Variants in DIP2B observed in about 807,000 individuals in gnomAD.
DIP2B encodes the protein disco-interacting protein 2 homolog B.
DIP2B carries 76 observed loss-of-function variants against 198.0 expected under a neutral mutation model. That is an observed-to-expected ratio of 0.38 (90% CI 0.32 to 0.46). The LOEUF (loss-of-function observed/expected upper bound fraction) is 0.46, where lower values mean the gene tolerates loss of function less well. Among genes scored for constraint, DIP2B ranks in the 20% least tolerant of loss-of-function variants. The pLI is 0.99. For missense variants in DIP2B, 1,559 were observed against 1,978.4 expected, an observed-to-expected ratio of 0.79 and a Z score of 4.02; for synonymous variants, 701 against 739.1, an observed-to-expected ratio of 0.95 and a Z score of 0.84.
At chr12:50,727,955 A>G in intron 29 of DIP2B, 143 bp downstream of exon 29, 1 of 644,354 alleles carries the variant, frequency 1.6e-6, no homozygotes, top group South Asian at 1.9e-5. Flanking sequence ...CTATTTAAAT[A>G]AAGGCATTGG....
Position 50,699,074 on chromosome 12 carries a change from T to A in DIP2B, c.2197T>A (p.Cys733Ser). ...VGHVMPGGMM[C>S]IVKPDGPPQL... ...TATTTTCTGTACGTTAGGGATGATG[T>A]GCATTGTGAAACCAGATGGACCTCC... The change falls in exon 19 of 38, where the codon TGC (cysteine) becomes AGC (serine). Residue 733 changes from cysteine (C) to serine (S), a missense_variant. By Grantham distance (112) the Cys-to-Ser change is moderately radical (BLOSUM62 -1). Coordinates refer to ENST00000301180, the MANE Select transcript of DIP2B (RefSeq NM_173602.3). The A allele has an allele frequency of 6.2e-7, 1 of 1,614,148 alleles. No individual in the cohort carries two copies. Among genetic ancestry groups the A allele is most frequent in the Non-Finnish European group, 8.5e-7 (1 of 1,180,010 alleles).
intron 1 of DIP2B, among the ~76,000 whole-genome samples, chr12:50,612,971 T>C (rs943453658): frequency 2.0e-4 from 30 of 152,148 alleles, no homozygotes; most frequent in Non-Finnish European, 2.5e-4. Context: ...CTAAAAACAT[T>C]CTGTTCTCCC....
At chr12:50,711,173 C>T (rs569172312) in intron 22 of DIP2B, among the ~76,000 whole-genome samples, 1 of 152,350 alleles carries the variant, frequency 6.6e-6, no homozygotes, top group South Asian at 2.1e-4. Flanking sequence ...CATGAGATAA[C>T]AGGCCATTCT....
chr12:50,681,668 A>G (rs1336422364), intron 9 of DIP2B, among the ~76,000 whole-genome samples: 1 of 152,244 alleles, frequency 6.6e-6, no homozygotes, highest in Non-Finnish European at 1.5e-5. Flanking sequence ...TGGAATTCAT[A>G]GAATGAAACA....
chr12:50,667,108 G>A (rs548696135), intron 4 of DIP2B, among the ~76,000 whole-genome samples: 3 of 152,230 alleles, frequency 2.0e-5, no homozygotes, highest in African/African-American at 7.2e-5. Context: ...AGCTCAAGCA[G>A]TTCATCCGCC....
chr12:50,523,895 T>C (rs1379084245), intron 1 of DIP2B, among the ~76,000 whole-genome samples: 1 of 152,170 alleles, frequency 6.6e-6, no homozygotes, highest in Non-Finnish European at 1.5e-5. Flanking sequence ...GATATTCTGT[T>C]TATCCTGTCA....
intron 1 of DIP2B, among the ~76,000 whole-genome samples, chr12:50,602,116 T>C (rs1958942083): frequency 6.6e-6 from 1 of 152,240 alleles, no homozygotes; most frequent in Non-Finnish European, 1.5e-5. Context: ...TGTATATTAA[T>C]GTACTGAAGT....
At chr12:50,726,637 C>T (rs1939940246) in intron 28 of DIP2B, among the ~76,000 whole-genome samples, 1 of 151,316 alleles carries the variant, frequency 6.6e-6, no homozygotes, top group Admixed American at 6.6e-5. Context: ...AAGTGTGAGC[C>T]ACCGCACCTG....
intron 1 of DIP2B, among the ~76,000 whole-genome samples, chr12:50,589,228 GTTTGTC>G (rs1035991914): frequency 1.3e-5 from 2 of 148,218 alleles, no homozygotes; most frequent in Non-Finnish European, 3.0e-5. Flanking sequence ...AATAAAATTT[GTTTGTC>G]TTTGTTTTTT....
chr12:50,695,210 T>A lies in DIP2B; in HGVS notation c.1720-57T>A, dbSNP rs1017902084. On this transcript the variant is annotated intron_variant, in intron 14 of 37. Coordinates refer to ENST00000301180, the MANE Select transcript of DIP2B (RefSeq NM_173602.3). ...TGCTAACAAAATACCAGCTCAATTT[T>A]AAAATACTAAGTATGTATTTTGTAT... 8 of 1,419,420 alleles carry A rather than the reference T, an allele frequency of 5.6e-6. No homozygotes were observed. In the Admixed American group the frequency reaches 7.2e-5, roughly 13 times the overall value. The allele number at this position is 1,419,420 out of a possible 1,614,324, so 87.9% of individuals were successfully genotyped here.
At chr12:50,671,501 A>C (rs1275756412) in intron 5 of DIP2B, 103 bp downstream of exon 5, 27 of 1,135,070 alleles carry the variant, frequency 2.4e-5, no homozygotes, top group Middle Eastern at 4.7e-4. Flanking sequence ...GTATGGCCTA[A>C]AAAAAAGAAT....
intron 16 of DIP2B, 98 bp from the exon 17 acceptor site, chr12:50,696,963 A>C: frequency 1.2e-6 from 1 of 863,136 alleles, no homozygotes; most frequent in Non-Finnish European, 1.8e-6. Context: ...ATGAGTTCTC[A>C]TGAGAAATAA....
intron 3 of DIP2B, among the ~76,000 whole-genome samples, chr12:50,656,664 C>T (rs1230599915): frequency 6.6e-6 from 1 of 152,156 alleles, no homozygotes; most frequent in Non-Finnish European, 1.5e-5. Flanking sequence ...CTCCGCTTCC[C>T]AGGTTCAAGC....
chr12:50,505,018 G>GCGGCGGCGGCGGCGGCGGCGGCGT lies in DIP2B; in HGVS notation c.-117_-116insCGGCGGCGGCGGCGGCGTCGGCGG. On this transcript the variant is annotated 5_prime_UTR_variant, in exon 1 of 38. Transcript: ENST00000301180. ...TTTGCTCATGGCGGCGGCGGCGGCG[G>GCGGCGGCGGCGGCGGCGGCGGCGT]CGGCGGTGCTGGTGGTGCTCGGCGG... The GCGGCGGCGGCGGCGGCGGCGGCGT allele has an allele frequency of 1.0e-6, 1 of 1,003,078 alleles. No individual in the cohort carries two copies. Among genetic ancestry groups the GCGGCGGCGGCGGCGGCGGCGGCGT allele is most frequent in the Non-Finnish European group, 1.5e-6 (1 of 689,642 alleles). The allele number at this position is 1,003,078 out of a possible 1,614,324, so 62.1% of individuals were successfully genotyped here.
intron 1 of DIP2B, among the ~76,000 whole-genome samples, chr12:50,583,942 T>C (rs1286262531): frequency 6.6e-6 from 1 of 152,228 alleles, no homozygotes; most frequent in Non-Finnish European, 1.5e-5. Flanking sequence ...ACCATCCTTG[T>C]TGGAAGCACC....
intron 3 of DIP2B, among the ~76,000 whole-genome samples, chr12:50,649,862 A>C (rs986756806): frequency 3.3e-5 from 5 of 152,162 alleles, no homozygotes; most frequent in Non-Finnish European, 7.4e-5. Context: ...TCTCAAAAAA[A>C]AAAGTATAAA....
Position 50,510,525 on chromosome 12 carries a change from A to G in DIP2B, c.100+5285A>G, listed in dbSNP as rs561599145. Among the ~76,000 whole-genome samples the G allele has an allele frequency of 3.3e-5, 5 of 152,182 alleles. No individual in the cohort carries two copies. The East Asian group carries it at 5.8e-4, about 18-fold the overall frequency. On this transcript the variant is annotated intron_variant, in intron 1 of 37. Coordinates refer to ENST00000301180, the MANE Select transcript of DIP2B (RefSeq NM_173602.3). ...GGCCTTCATACTATATTTGTATTCT[A>G]ATTACTAGAGTTCTCCATGGTTCTC... is the stretch of plus-strand genomic sequence containing the variant.
At chr12:50,614,719 A>G (rs1398556490) in intron 1 of DIP2B, among the ~76,000 whole-genome samples, 1 of 152,192 alleles carries the variant, frequency 6.6e-6, no homozygotes, top group East Asian at 1.9e-4. Flanking sequence ...AAGTCTCTGG[A>G]CACTGGGACT....
intron 2 of DIP2B, among the ~76,000 whole-genome samples, chr12:50,637,979 A>C (rs745990662): frequency 2.6e-5 from 4 of 152,230 alleles, no homozygotes; most frequent in Non-Finnish European, 4.4e-5. Context: ...CATATTGATC[A>C]TTGAGAAGGA....
Sources: allele counts gnomAD v4.1 joint callset (sites outside exome capture counted in the v4.1 genomes callset), GRCh38; gene constraint gnomAD v4.1.1; transcripts MANE v1.5; gene names NCBI Gene and HGNC (gene_info 2026-07-23, HGNC 2026-07-21).